The following TAFA1 variants were observed in gnomAD, a reference collection of about 807,000 sequenced individuals.
TAFA1 encodes the protein TAFA chemokine like family member 1, also known as chemokine-like protein TAFA-1.
TAFA1 carries 4 observed loss-of-function variants against 18.5 expected under a neutral mutation model. That is an observed-to-expected ratio of 0.22 (90% confidence interval 0.11 to 0.49). TAFA1 has a LOEUF of 0.49. Ranked by LOEUF, TAFA1 falls within the 20% of genes least tolerant of loss-of-function variation. TAFA1 has a pLI of 0.98. For missense variants in TAFA1, 147 were observed against 169.0 expected (o/e 0.87, Z 0.72); for synonymous variants, 56 against 55.2 (o/e 1.01, Z -0.06).
intron 3 of TAFA1, among the ~76,000 whole-genome samples, chr3:68,484,228 C>T (rs1019190104): frequency 6.6e-6 from 1 of 152,134 alleles, no homozygotes; most frequent in Non-Finnish European, 1.5e-5. Context: ...TATAGCGTAT[C>T]TCATTTGGAA....
At chr3:68,241,751 A>G (rs527874474) in intron 2 of TAFA1, among the ~76,000 whole-genome samples, 23 of 152,300 alleles carry the variant, frequency 1.5e-4, no homozygotes, top group African/African-American at 4.8e-4. Flanking sequence ...GATGTGTGGC[A>G]GGCACACTAG....
intron 3 of TAFA1, among the ~76,000 whole-genome samples, chr3:68,524,969 CCGTT>C (rs1264942413): frequency 2.6e-5 from 4 of 152,168 alleles, no homozygotes; most frequent in Admixed American, 2.6e-4. Context: ...ACGCGCCCGG[CCGTT>C]TCTAGGTTTT....
chr3:68,115,666 T>C (rs1206940800), intron 2 of TAFA1, among the ~76,000 whole-genome samples: 2 of 152,186 alleles, frequency 1.3e-5, no homozygotes, highest in African/African-American at 2.4e-5. Context: ...GGCGTGGCCC[T>C]GTCTCTCAGT....
At chr3:68,236,866 T>G (rs1344756678) in intron 2 of TAFA1, among the ~76,000 whole-genome samples, 1 of 152,188 alleles carries the variant, frequency 6.6e-6, no homozygotes, top group Admixed American at 6.5e-5. Flanking sequence ...CATGGAATCC[T>G]TTGTGGAGAA....
At chr3:68,414,532 C>T (rs1270624160) in intron 2 of TAFA1, among the ~76,000 whole-genome samples, 2 of 152,090 alleles carry the variant, frequency 1.3e-5, no homozygotes, top group African/African-American at 2.4e-5. Context: ...AGTTATTTAA[C>T]CCCTCTGAGC....
chr3:68,257,060 G>A (rs917065783), intron 2 of TAFA1, among the ~76,000 whole-genome samples: 1 of 151,998 alleles, frequency 6.6e-6, no homozygotes, highest in Non-Finnish European at 1.5e-5. Flanking sequence ...TCCCTCACTC[G>A]TAACGCTCTG....
intron 2 of TAFA1, among the ~76,000 whole-genome samples, chr3:68,404,534 T>A (rs1257695260): frequency 1.3e-5 from 2 of 152,120 alleles, no homozygotes; most frequent in African/African-American, 4.8e-5. Context: ...GTGTGGTGGC[T>A]CACGCCTATA....
At chr3:68,030,351 G>T (rs1704905826) in intron 2 of TAFA1, among the ~76,000 whole-genome samples, 1 of 151,812 alleles carries the variant, frequency 6.6e-6, no homozygotes, top group Non-Finnish European at 1.5e-5. Context: ...TGCTGTGGTG[G>T]TTTCCTGCAC....
intron 2 of TAFA1, among the ~76,000 whole-genome samples, chr3:68,267,713 G>T (rs1269223823): frequency 6.6e-6 from 1 of 151,962 alleles, no homozygotes; most frequent in African/African-American, 2.4e-5. Flanking sequence ...AAAGATATAA[G>T]CCTTATATGG....
At position 68,455,687 on chromosome 3, in the gene TAFA1, C is replaced by T. The variant is rs575224995; in HGVS notation, c.259+38267C>T. 4.6e-5 allele frequency among the ~76,000 whole-genome samples: 7 copies of T among 152,102 alleles called. No homozygotes were observed. The East Asian group carries it at 1.2e-3, about 25-fold the overall frequency. On this transcript the variant is annotated intron_variant, in intron 3 of 4. Transcript: ENST00000478136. ...TTTTTGCCATATACATGATCATTTT[C>T]AAGATTTTCTTGATTGGCCCTGTCA...
chr3:68,327,248 CT>C (rs2068791550), intron 2 of TAFA1, among the ~76,000 whole-genome samples: 1 of 152,070 alleles, frequency 6.6e-6, no homozygotes, highest in African/African-American at 2.4e-5. Flanking sequence ...TCAGGTATGT[CT>C]TTATTAGCAT....
At chr3:68,345,939 A>G (rs1274222301) in intron 2 of TAFA1, among the ~76,000 whole-genome samples, 1 of 152,152 alleles carries the variant, frequency 6.6e-6, no homozygotes, top group East Asian at 1.9e-4. Flanking sequence ...TTGTTAACTT[A>G]CAGGCCTGAC....
chr3:68,146,354 A>G (rs1368913550), intron 2 of TAFA1, among the ~76,000 whole-genome samples: 1 of 152,180 alleles, frequency 6.6e-6, no homozygotes, highest in Non-Finnish European at 1.5e-5. Context: ...CTATCTTTAG[A>G]TGCCGTCTTT....
intron 3 of TAFA1, among the ~76,000 whole-genome samples, chr3:68,421,537 C>G (rs570205348): frequency 1.2e-3 from 185 of 152,178 alleles, no homozygotes; most frequent in African/African-American, 4.3e-3. Flanking sequence ...GCAGCTGTAC[C>G]TATTACTGAT....
At chr3:68,427,290 TTCTAAATCTAAGGAGTCAGCTCCTCATC>T (rs2106826186) in intron 3 of TAFA1, among the ~76,000 whole-genome samples, 1 of 152,034 alleles carries the variant, frequency 6.6e-6, no homozygotes, top group Non-Finnish European at 1.5e-5. Context: ...AAAAATGTTG[TTCTAAATCTAAGGAGTCAGCTCCTCATC>T]TCTTTAGCTG....
intron 2 of TAFA1, among the ~76,000 whole-genome samples, chr3:68,031,456 A>G (rs1704933439): frequency 1.3e-5 from 2 of 152,176 alleles, no homozygotes; most frequent in African/African-American, 2.4e-5. Flanking sequence ...CAGTGCTTAT[A>G]AATGAAAAAT....
chr3:68,226,746 CAAAT>C (rs1254348135), intron 2 of TAFA1, among the ~76,000 whole-genome samples: 1 of 152,168 alleles, frequency 6.6e-6, no homozygotes, highest in Non-Finnish European at 1.5e-5. Context: ...TGAAGTCAGA[CAAAT>C]GAAAGCTCAG....
At chr3:68,433,648 G>A (rs1365426780) in intron 3 of TAFA1, among the ~76,000 whole-genome samples, 1 of 152,014 alleles carries the variant, frequency 6.6e-6, no homozygotes, top group Non-Finnish European at 1.5e-5. Flanking sequence ...TTATGTAGTG[G>A]GACAAGATCA....
rs571595330 is a variant in TAFA1, at chr3:68,284,147, C to A, written c.119-133133C>A. Among the ~76,000 whole-genome samples, 122 of 152,262 alleles carry A rather than the reference C, an allele frequency of 8.0e-4. 1 individual carries two copies. The highest frequency in any genetic ancestry group is 2.7e-3 in the African/African-American group (111 of 41,546). On this transcript the variant is annotated intron_variant, in intron 2 of 4. Coordinates refer to ENST00000478136, the MANE Select transcript of TAFA1 (RefSeq NM_213609.4). ...GGAATCTTTCTCTTTCTGTGTTTTT[C>A]GTCCCTACTATCCTTAATTGAACTT... is the stretch of plus-strand genomic sequence containing the variant.
Sources: gnomAD v4.1 joint callset for allele counts (sites outside exome capture counted in the v4.1 genomes callset) on GRCh38, gnomAD v4.1.1 for gene constraint, MANE v1.5 for transcripts, NCBI Gene and HGNC (gene_info 2026-07-23, HGNC 2026-07-21) for gene names.